The following SDS variants were observed in gnomAD, a reference collection of about 807,000 sequenced individuals.
The protein encoded by SDS is L-serine dehydratase/L-threonine deaminase.
SDS carries 19 observed loss-of-function variants against 29.3 expected under a neutral mutation model. The observed-to-expected ratio is 0.65, with a 90% CI of 0.45 to 0.95. The LOEUF (loss-of-function observed/expected upper bound fraction) is 0.95. SDS is among the 40% of genes least tolerant of loss of function. SDS has a pLI of 0.00. For synonymous variants in SDS, 176 were observed against 189.0 expected (o/e 0.93, Z 0.56); for missense variants, 375 against 439.9 (o/e 0.85, Z 1.32).
intron 1 of SDS, among the ~76,000 whole-genome samples, chr12:113,402,489 C>A (rs774667950): frequency 6.6e-6 from 1 of 152,156 alleles, no homozygotes; most frequent in Non-Finnish European, 1.5e-5. Context: ...GACAAGGTTT[C>A]ACCATATTGG....
chr12:113,397,710 C>T (rs1252879255), intron 5 of SDS, among the ~76,000 whole-genome samples: 1 of 152,204 alleles, frequency 6.6e-6, no homozygotes, highest in Middle Eastern at 3.2e-3. Flanking sequence ...CACTGGCTCC[C>T]AGGGTCCCCG....
At chr12:113,402,180 C>T (rs576200095) in intron 1 of SDS, among the ~76,000 whole-genome samples, 138 of 152,284 alleles carry the variant, frequency 9.1e-4, no homozygotes, top group Non-Finnish European at 1.6e-3. Flanking sequence ...ACCCTCTCTC[C>T]GCTGGATCTC....
rs202218162 is a variant in SDS at position 113,398,858 on chromosome 12, G to A, written c.194-12C>T. On this transcript the variant is annotated splice_polypyrimidine_tract_variant and intron_variant, in intron 3 of 7. Coordinates refer to ENST00000257549, the MANE Select transcript of SDS (RefSeq NM_006843.3). The stretch of plus-strand genomic sequence containing the variant: ...GCCTGCGTTGCCCGCTGCCAGGGTC[G>A]GGGGTGGAGAGCGTGTCAGTGCGGG... The A allele has an allele frequency of 3.5e-3, 5,629 of 1,592,852 alleles. 51 individuals are homozygous for A. Among genetic ancestry groups the A allele is most frequent in the Middle Eastern group, 0.017 (100 of 5,808 alleles).
chr12:113,398,534 AG>A lies in SDS; in HGVS notation c.405del (p.Phe136LeufsTer14). On this transcript the variant is annotated frameshift_variant, in exon 5 of 8. Coordinates refer to ENST00000257549, the MANE Select transcript of SDS (RefSeq NM_006843.3). LOFTEE classifies it high-confidence loss of function. The part of the protein sequence containing the change: ...KNNPGWVYIP[P>X]FDDPLIWEGH... ...ACATACCAGATGAGGGGGTCATCAAAGGGGGGAATGTAGACCCAACCCGGGT... is the reference window on the plus strand; with the variant it reads ...ACATACCAGATGAGGGGGTCATCAAAGGGGGAATGTAGACCCAACCCGGGT... 1.9e-6 allele frequency: 3 copies of A among 1,591,004 alleles called. No homozygotes were observed. Among genetic ancestry groups the A allele is most frequent in the Non-Finnish European group, 1.7e-6 (2 of 1,170,136 alleles).
At chr12:113,399,775 T>A in intron 1 of SDS, 65 bp from the exon 2 acceptor site, 1 of 1,386,040 alleles carries the variant, frequency 7.2e-7, no homozygotes, top group Non-Finnish European at 9.5e-7. Flanking sequence ...ACTGCCAGAG[T>A]GATCCCTTCC....
At chr12:113,393,180 G>T (rs1417289472) in intron 7 of SDS, 31 bp from the exon 8 acceptor site, 1 of 1,605,488 alleles carries the variant, frequency 6.2e-7, no homozygotes. Flanking sequence ...CAGGGGCGTG[G>T]CCTGAGTTTC....
intron 1 of SDS, among the ~76,000 whole-genome samples, chr12:113,403,152 G>A (rs1441051331): frequency 6.6e-6 from 1 of 151,884 alleles, no homozygotes; most frequent in Non-Finnish European, 1.5e-5. Flanking sequence ...TTTGAGACAA[G>A]GTCTTGCTGT....
intron 6 of SDS, among the ~76,000 whole-genome samples, chr12:113,396,279 G>A (rs1169585474): frequency 6.6e-6 from 1 of 152,044 alleles, no homozygotes; most frequent in East Asian, 1.9e-4. Context: ...TTGCCACAGA[G>A]GACTCAGTAA....
intron 1 of SDS, among the ~76,000 whole-genome samples, chr12:113,401,551 A>G (rs1178638907): frequency 1.3e-5 from 2 of 152,088 alleles, no homozygotes; most frequent in African/African-American, 4.8e-5. Context: ...TTTAAGTCAC[A>G]TTTTGGGGTA....
chr12:113,396,550 C>CTTCCTTCCTTCT (rs1957647329), intron 6 of SDS: 2 of 54,884 alleles, frequency 3.6e-5, no homozygotes, highest in Non-Finnish European at 7.6e-5. Flanking sequence ...CTCTCCCTTC[C>CTTCCTTCCTTCT]TTCCTTCCTT....
intron 6 of SDS, among the ~76,000 whole-genome samples, chr12:113,394,346 T>G (rs12824553): frequency 8.0e-5 from 12 of 150,458 alleles, no homozygotes; most frequent in South Asian, 4.2e-4. Flanking sequence ...TTTTTTTGTT[T>G]TTTTTTTTTT....
intron 6 of SDS, among the ~76,000 whole-genome samples, chr12:113,394,351 T>G (rs564471348): frequency 1.3e-4 from 20 of 151,254 alleles, no homozygotes; most frequent in East Asian, 7.7e-4. Flanking sequence ...TTGTTTTTTT[T>G]TTTTTTTAGA....
rs1227495244 is a variant in SDS at position 113,403,845 on chromosome 12, AAG to A, written c.-82_-81del. On this transcript the variant is annotated 5_prime_UTR_variant, in exon 1 of 8. Transcript: ENST00000257549. ...GGATCAACTGAGTAGATAGCCCACG[AAG>A]AGAGGGGGCTGAGGACGGGTGGACA... The A allele has an allele frequency of 6.6e-6, 1 of 152,482 alleles. No homozygotes were observed. The highest frequency in any genetic ancestry group is 1.5e-5 in the Non-Finnish European group (1 of 68,278). 9.4% of individuals were successfully genotyped at this position (152,482 alleles called of 1,614,324 possible).
intron 1 of SDS, 51 bp from the exon 2 acceptor site, chr12:113,399,761 C>T (rs1957673118): frequency 1.4e-6 from 2 of 1,441,244 alleles, no homozygotes; most frequent in Non-Finnish European, 1.8e-6. Flanking sequence ...GCCCCGGTGC[C>T]AGCACTGCCA....
At chr12:113,398,049 C>T (rs1449052545) in intron 5 of SDS, among the ~76,000 whole-genome samples, 2 of 149,794 alleles carry the variant, frequency 1.3e-5, no homozygotes, top group African/African-American at 4.9e-5. Context: ...CTGGGTGTAA[C>T]GTGTGTTTCT....
chr12:113,398,941 C>G (rs1957666969), intron 3 of SDS, 95 bp from the exon 4 acceptor site: 1 of 1,517,330 alleles, frequency 6.6e-7, no homozygotes, highest in African/African-American at 1.4e-5. Context: ...TGGAGTTCCC[C>G]CCTCACCTCC....
intron 2 of SDS, 126 bp downstream of exon 2, chr12:113,399,430 C>T: frequency 1.7e-6 from 2 of 1,188,850 alleles, no homozygotes; most frequent in Non-Finnish European, 2.3e-6. Context: ...GGTGGACGCT[C>T]AGTCCTTGCG....
chr12:113,394,685 G>A (rs966524625), intron 6 of SDS, among the ~76,000 whole-genome samples: 6 of 152,144 alleles, frequency 3.9e-5, no homozygotes, highest in Non-Finnish European at 5.9e-5. Flanking sequence ...CTCCTGCCTC[G>A]GCACAGCGTC....
chr12:113,399,183 C>T (rs767741417), intron 2 of SDS, 32 bp from the exon 3 acceptor site: 34 of 1,611,802 alleles, frequency 2.1e-5, no homozygotes, highest in Non-Finnish European at 2.6e-5. Context: ...CACTCAGGCC[C>T]ACCTCCCAGT....
Sources: gnomAD v4.1 joint callset for allele counts (sites outside exome capture counted in the v4.1 genomes callset) on GRCh38, gnomAD v4.1.1 for gene constraint, MANE v1.5 for transcripts, NCBI Gene and HGNC (gene_info 2026-07-23, HGNC 2026-07-21) for gene names.